Variants in ATP8A2 observed in about 807,000 individuals in gnomAD.
ATP8A2 encodes the protein ATPase phospholipid transporting 8A2, also known as phospholipid-transporting ATPase IB.
A neutral mutation model predicts 165.6 loss-of-function variants in ATP8A2; 100 were observed. The observed-to-expected ratio is 0.60, with a 90% CI of 0.51 to 0.71. The LOEUF is 0.71. ATP8A2 is among the 30% of genes least tolerant of loss of function. The pLI is 0.00. For missense variants in ATP8A2, 1,227 were observed against 1,479.5 expected (o/e 0.83, Z 2.80); for synonymous variants, 543 against 548.8 (o/e 0.99, Z 0.15).
intron 28 of ATP8A2, among the ~76,000 whole-genome samples, chr13:25,829,668 G>GTATGTATATATA (rs1951406164): frequency 1.6e-5 from 1 of 63,422 alleles, no homozygotes; most frequent in African/African-American, 6.2e-5. Context: ...GACAGGTGTG[G>GTATGTATATATA]TATATATATA....
chr13:25,537,376 G>A (rs928119801), intron 6 of ATP8A2, among the ~76,000 whole-genome samples: 1 of 152,290 alleles, frequency 6.6e-6, no homozygotes, highest in South Asian at 2.1e-4. Flanking sequence ...CTCAGTGGCT[G>A]TATTACTGTG....
intron 33 of ATP8A2, among the ~76,000 whole-genome samples, chr13:25,881,759 G>A (rs1417493054): frequency 6.6e-6 from 1 of 152,198 alleles, no homozygotes; most frequent in Non-Finnish European, 1.5e-5. Context: ...GCTACTCAAA[G>A]TGTGGTCCCC....
chr13:25,594,061 G>A (rs1049187361), intron 24 of ATP8A2, among the ~76,000 whole-genome samples: 1 of 152,144 alleles, frequency 6.6e-6, no homozygotes. Flanking sequence ...TGTCCTAAAT[G>A]TATATGGTAT....
intron 23 of ATP8A2, among the ~76,000 whole-genome samples, chr13:25,583,622 A>C (rs1408189128): frequency 6.6e-6 from 1 of 152,104 alleles, no homozygotes; most frequent in Non-Finnish European, 1.5e-5. Context: ...GTGTGTGTTC[A>C]TTTTATTATA....
intron 30 of ATP8A2, among the ~76,000 whole-genome samples, chr13:25,850,178 G>A (rs764038453): frequency 1.3e-5 from 2 of 152,202 alleles, no homozygotes; most frequent in Non-Finnish European, 2.9e-5. Context: ...GCGATGGGGA[G>A]GCGAAGCCTT....
At chr13:25,626,815 C>T (rs577038401) in intron 24 of ATP8A2, among the ~76,000 whole-genome samples, 2 of 152,018 alleles carry the variant, frequency 1.3e-5, no homozygotes, top group African/African-American at 2.4e-5. Context: ...ACAGTCAAGG[C>T]AGAGGGTGAA....
chr13:26,016,036 A>G (rs1956964178), intron 36 of ATP8A2, among the ~76,000 whole-genome samples: 1 of 152,190 alleles, frequency 6.6e-6, no homozygotes, highest in South Asian at 2.1e-4. Flanking sequence ...TCCTCCCATG[A>G]CAGCTCTAAC....
In ATP8A2 at chr13:25,570,892, G is replaced by T. The variant is rs780578458; in HGVS notation, c.1579+20G>T. ...CCCCAGGTGAGGGCTCTGGCCGGAT[G>T]CGCCCTGCTGGCCCCTTCTCAGGAC... On this transcript the variant is annotated intron_variant, in intron 17 of 36. Coordinates refer to ENST00000381655, the MANE Select transcript of ATP8A2 (RefSeq NM_016529.6). 6.3e-6 allele frequency: 10 copies of T among 1,578,660 alleles called. No homozygotes were observed. Among genetic ancestry groups the T allele is most frequent in the Non-Finnish European group, 7.8e-6 (9 of 1,150,332 alleles).
rs1430288987 is a variant in ATP8A2 at position 25,579,793 on chromosome 13, GTGGC to G, written c.1868-12_1868-9del. 6.2e-7 allele frequency: 1 copy of G among 1,612,046 alleles called. No homozygotes were observed. The highest frequency in any genetic ancestry group is 1.1e-5 in the South Asian group (1 of 91,006). Reference sequence around the variant, plus strand: ...GCGTTCTGCCTGCCTCCATTCACCAGTGGCTGTCTTGCAGGCTTGCGGACTCTCT... The same window carrying G: ...GCGTTCTGCCTGCCTCCATTCACCAGTGTCTTGCAGGCTTGCGGACTCTCT... On this transcript the variant is annotated splice_polypyrimidine_tract_variant and intron_variant, in intron 21 of 36. Transcript: ENST00000381655.
intron 27 of ATP8A2, among the ~76,000 whole-genome samples, chr13:25,787,875 C>T (rs975227309): frequency 2.0e-5 from 3 of 152,188 alleles, no homozygotes; most frequent in African/African-American, 7.2e-5. Context: ...AAAATGTGAC[C>T]AGAATAGCAT....
intron 2 of ATP8A2, among the ~76,000 whole-genome samples, chr13:25,497,587 T>C (rs960900457): frequency 6.6e-6 from 1 of 152,178 alleles, no homozygotes; most frequent in Non-Finnish European, 1.5e-5. Context: ...TAAGCCAACC[T>C]AAGCAAATAT....
intron 2 of ATP8A2, among the ~76,000 whole-genome samples, chr13:25,486,008 C>T (rs1474390134): frequency 6.6e-6 from 1 of 152,166 alleles, no homozygotes; most frequent in Non-Finnish European, 1.5e-5. Flanking sequence ...CCCCCAAACT[C>T]CAGTACTCCA....
chr13:25,448,919 C>A (rs1347422057), intron 1 of ATP8A2, among the ~76,000 whole-genome samples: 1 of 152,192 alleles, frequency 6.6e-6, no homozygotes, highest in Non-Finnish European at 1.5e-5. Context: ...CCTGCTTCAG[C>A]CTCCCAAAGT....
intron 1 of ATP8A2, among the ~76,000 whole-genome samples, chr13:25,446,531 C>G (rs1367662796): frequency 6.7e-6 from 1 of 148,346 alleles, no homozygotes; most frequent in Non-Finnish European, 1.5e-5. Flanking sequence ...AAGCCTGGAA[C>G]CACGCCCGCA....
intron 35 of ATP8A2, among the ~76,000 whole-genome samples, chr13:26,005,722 T>C (rs1956724582): frequency 6.6e-6 from 1 of 152,030 alleles, no homozygotes; most frequent in African/African-American, 2.4e-5. Context: ...ATTCCATTGT[T>C]TGGCATGTAG....
chr13:25,570,417 G>A (rs2039432017), intron 16 of ATP8A2, among the ~76,000 whole-genome samples: 1 of 152,128 alleles, frequency 6.6e-6, no homozygotes, highest in Admixed American at 6.5e-5. Flanking sequence ...GTGGGGAGGC[G>A]GAAGCACGTG....
At chr13:25,485,925 C>T (rs757825739) in intron 2 of ATP8A2, among the ~76,000 whole-genome samples, 3 of 152,082 alleles carry the variant, frequency 2.0e-5, no homozygotes, top group Non-Finnish European at 4.4e-5. Flanking sequence ...CAATTGACAA[C>T]ATTGCTCCTA....
chr13:25,918,703 C>T (rs1301519789), intron 33 of ATP8A2, among the ~76,000 whole-genome samples: 3 of 152,158 alleles, frequency 2.0e-5, no homozygotes, highest in African/African-American at 7.2e-5. Flanking sequence ...AATTTGGATG[C>T]AGTGAAACCA....
At chr13:25,781,737 C>T (rs1012548502) in intron 27 of ATP8A2, among the ~76,000 whole-genome samples, 4 of 152,134 alleles carry the variant, frequency 2.6e-5, no homozygotes, top group African/African-American at 9.7e-5. Context: ...AGTGATCCAC[C>T]CGCCTCGGCC....
Sources: gnomAD v4.1 joint callset for allele counts (sites outside exome capture counted in the v4.1 genomes callset) on GRCh38, gnomAD v4.1.1 for gene constraint, MANE v1.5 for transcripts, NCBI Gene and HGNC (gene_info 2026-07-23, HGNC 2026-07-21) for gene names.